SLC6A11: variants seen among roughly 807,000 people sequenced by gnomAD.
SLC6A11 encodes the protein solute carrier family 6 member 11.
Under a neutral mutation model 74.8 loss-of-function variants are expected in SLC6A11, and 25 were observed. That is an observed-to-expected ratio of 0.33 (90% CI 0.24 to 0.47). The LOEUF (loss-of-function observed/expected upper bound fraction) is 0.47, where lower values mean the gene tolerates loss of function less well. SLC6A11 is among the 20% of genes least tolerant of loss of function. The pLI is 1.00. For synonymous variants in SLC6A11, 330 were observed against 330.2 expected, an observed-to-expected ratio of 1.00 and a Z score of 0.01; for missense variants, 574 against 837.0, an observed-to-expected ratio of 0.69 and a Z score of 3.88.
chr3:10,859,851 T>G (rs1207010917), intron 5 of SLC6A11, among the ~76,000 whole-genome samples: 1 of 152,236 alleles, frequency 6.6e-6, no homozygotes, highest in East Asian at 1.9e-4. Context: ...CCAATTAATC[T>G]ACTATCCACT....
At chr3:10,922,316 C>T (rs1367499666) in intron 8 of SLC6A11, among the ~76,000 whole-genome samples, 3 of 152,098 alleles carry the variant, frequency 2.0e-5, no homozygotes, top group Non-Finnish European at 2.9e-5. Flanking sequence ...ATAAGATTAG[C>T]TTCATCAATG....
chr3:10,847,591 C>A (rs752002345), intron 5 of SLC6A11, among the ~76,000 whole-genome samples: 5 of 152,128 alleles, frequency 3.3e-5, no homozygotes, highest in African/African-American at 4.8e-5. Context: ...AGTGGAAGAG[C>A]CTTGCCCGAG....
chr3:10,844,034 G>A (rs1694471255), intron 4 of SLC6A11, among the ~76,000 whole-genome samples, 180 bp from the exon 5 acceptor site: 1 of 152,186 alleles, frequency 6.6e-6, no homozygotes, highest in Admixed American at 6.5e-5. Flanking sequence ...ATGATCCAAG[G>A]TCCAGAGGGC....
chr3:10,841,855 G>A (rs2017848), intron 4 of SLC6A11, among the ~76,000 whole-genome samples: 6 of 152,216 alleles, frequency 3.9e-5, no homozygotes, highest in Non-Finnish European at 7.3e-5. Flanking sequence ...ATGTGCATAC[G>A]CGTGCATACA....
At position 10,926,209 on chromosome 3, in the gene SLC6A11, C is replaced by G. The variant is rs1222138487; in HGVS notation, c.1233+93C>G. 2 of 742,086 alleles carry G rather than the reference C, an allele frequency of 2.7e-6. No homozygotes were observed. The highest frequency in any genetic ancestry group is 4.6e-6 in the Non-Finnish European group (2 of 437,476). The allele number at this position is 742,086 out of a possible 1,614,324, so 46.0% of individuals were successfully genotyped here. A position where few individuals can be genotyped will look rare whatever the true frequency, so the allele number is the denominator to read the frequency against. On this transcript the variant is annotated intron_variant, in intron 9 of 13. Coordinates refer to ENST00000254488, the MANE Select transcript of SLC6A11 (RefSeq NM_014229.3). This position sits in a 1 kb window ranked among gnomAD's most constrained non-coding sequence, Gnocchi z 5.7. ...CTTAGGAGTGGCTCCCCAGGCCCAGCCACTCCCACCTGGCCCTGGCATCAG... is the reference window on the plus strand; with the variant it reads ...CTTAGGAGTGGCTCCCCAGGCCCAGGCACTCCCACCTGGCCCTGGCATCAG...
chr3:10,850,076 C>T (rs535300191), intron 5 of SLC6A11, among the ~76,000 whole-genome samples: 10 of 152,238 alleles, frequency 6.6e-5, no homozygotes, highest in Admixed American at 2.0e-4. Flanking sequence ...CTAATATATC[C>T]GTGACCTGGT....
chr3:10,904,612 C>A (rs935385840), intron 6 of SLC6A11, among the ~76,000 whole-genome samples: 1 of 152,190 alleles, frequency 6.6e-6, no homozygotes, highest in African/African-American at 2.4e-5. Flanking sequence ...CTCTGCTGAG[C>A]TGCTCCCTTT....
chr3:10,936,899 T>G (rs969294223), intron 13 of SLC6A11, among the ~76,000 whole-genome samples: 1 of 152,198 alleles, frequency 6.6e-6, no homozygotes, highest in Non-Finnish European at 1.5e-5. Flanking sequence ...TCCATCTCCC[T>G]GAGCTCACAT....
At chr3:10,870,907 G>A (rs1007444412) in intron 5 of SLC6A11, among the ~76,000 whole-genome samples, 1 of 152,124 alleles carries the variant, frequency 6.6e-6, no homozygotes, top group Non-Finnish European at 1.5e-5. Context: ...TGGTCTTTGG[G>A]CAATTCATTT....
Position 10,935,450 on chromosome 3 carries a change from A to G in SLC6A11, c.1746+251A>G, listed in dbSNP as rs1695748431. The G allele has an allele frequency of 1.5e-5, 7 of 473,192 alleles. No individual in the cohort carries two copies. The East Asian group carries it at 2.6e-4, about 17-fold the overall frequency. 29.3% of individuals were successfully genotyped at this position (473,192 alleles called of 1,614,324 possible). A position where few individuals can be genotyped will look rare whatever the true frequency, so the allele number is the denominator to read the frequency against. Reference sequence around the variant, plus strand: ...GTCTGTAAAATGGGATAACCACAGTACCTAACTTACAGAGGCTGTGAGAAC... The same window carrying G: ...GTCTGTAAAATGGGATAACCACAGTGCCTAACTTACAGAGGCTGTGAGAAC... On this transcript the variant is annotated intron_variant, in intron 13 of 13. Coordinates refer to ENST00000254488, the MANE Select transcript of SLC6A11 (RefSeq NM_014229.3).
chr3:10,937,941 G>T (rs754011370), intron 13 of SLC6A11, among the ~76,000 whole-genome samples: 3 of 152,190 alleles, frequency 2.0e-5, no homozygotes, highest in Non-Finnish European at 4.4e-5. Flanking sequence ...CCTGATGACC[G>T]CTCTGAGTCC....
At chr3:10,854,071 G>C (rs140062599) in intron 5 of SLC6A11, among the ~76,000 whole-genome samples, 3 of 152,292 alleles carry the variant, frequency 2.0e-5, no homozygotes, top group African/African-American at 4.8e-5. Flanking sequence ...TTTAAAAATT[G>C]TCCAAACAAT....
intron 8 of SLC6A11, among the ~76,000 whole-genome samples, chr3:10,922,824 A>G (rs1260554225): frequency 6.6e-6 from 1 of 152,162 alleles, no homozygotes; most frequent in East Asian, 1.9e-4. Flanking sequence ...AAACTAACCT[A>G]TGTAACTTTG....
chr3:10,898,606 T>G (rs575963154), intron 6 of SLC6A11, among the ~76,000 whole-genome samples: 1 of 152,336 alleles, frequency 6.6e-6, no homozygotes, highest in African/African-American at 2.4e-5. Context: ...CTCATCTCCA[T>G]CTGAGACCAC....
chr3:10,861,892 G>A (rs1431517546), intron 5 of SLC6A11, among the ~76,000 whole-genome samples: 4 of 152,198 alleles, frequency 2.6e-5, no homozygotes, highest in Non-Finnish European at 5.9e-5. Context: ...GATCCCTGAG[G>A]AAGAGCCCAG....
At chr3:10,846,367 A>T (rs916742308) in intron 5 of SLC6A11, among the ~76,000 whole-genome samples, 1 of 152,170 alleles carries the variant, frequency 6.6e-6, no homozygotes, top group Non-Finnish European at 1.5e-5. Context: ...TTACCACCTC[A>T]TGGGAGTTGA....
chr3:10,854,670 CA>C (rs537415674), intron 5 of SLC6A11, among the ~76,000 whole-genome samples: 36 of 152,308 alleles, frequency 2.4e-4, no homozygotes, highest in African/African-American at 8.4e-4. Context: ...GTCTCAGAGA[CA>C]GTAAGTAATA....
intron 4 of SLC6A11, 109 bp from the exon 5 acceptor site, chr3:10,844,105 G>T (rs964224255): frequency 1.5e-6 from 2 of 1,342,592 alleles, no homozygotes; most frequent in Admixed American, 1.9e-5. Context: ...GGCCCACGGT[G>T]GACGTGGGTG....
intron 6 of SLC6A11, among the ~76,000 whole-genome samples, chr3:10,903,307 G>C (rs939071797): frequency 1.3e-5 from 2 of 152,176 alleles, no homozygotes; most frequent in Admixed American, 1.3e-4. Context: ...TCTGTAAGCT[G>C]TGTTGCCATA....
Sources: gnomAD v4.1 joint callset for allele counts (sites outside exome capture counted in the v4.1 genomes callset) on GRCh38, gnomAD v4.1.1 for gene constraint, Gnocchi (gnomAD v3.1) non-coding constraint, MANE v1.5 for transcripts, NCBI Gene and HGNC (gene_info 2026-07-23, HGNC 2026-07-21) for gene names.